Variants in RGL1 observed in about 807,000 individuals in gnomAD.
RGL1 encodes the protein ral guanine nucleotide dissociation stimulator-like 1.
Under a neutral mutation model 95.2 loss-of-function variants are expected in RGL1, and 24 were observed. The ratio of observed to expected loss-of-function variants is 0.25; its 90% CI spans 0.18 to 0.35. The LOEUF is 0.35. Ranked by LOEUF, RGL1 falls within the 10% of genes least tolerant of loss-of-function variation. The pLI is 1.00. For synonymous variants in RGL1, 329 were observed against 344.9 expected, an observed-to-expected ratio of 0.95 and a Z score of 0.51; for missense variants, 715 against 936.3, an observed-to-expected ratio of 0.76 and a Z score of 3.08.
At chr1:183,878,154 A>T (rs748725786) in intron 4 of RGL1, among the ~76,000 whole-genome samples, 8 of 118,474 alleles carry the variant, frequency 6.8e-5, no homozygotes, top group Admixed American at 1.6e-4. Flanking sequence ...TTTTCTTTCT[A>T]TCTATCTATC....
intron 2 of RGL1, among the ~76,000 whole-genome samples, chr1:183,798,332 G>A (rs1158393953): frequency 6.6e-6 from 1 of 152,018 alleles, no homozygotes; most frequent in African/African-American, 2.4e-5. Flanking sequence ...CATCTTCAAG[G>A]CAAGTTTTTT....
At chr1:183,869,994 C>T (rs1206289158) in intron 4 of RGL1, among the ~76,000 whole-genome samples, 2 of 152,158 alleles carry the variant, frequency 1.3e-5, no homozygotes, top group Non-Finnish European at 2.9e-5. Flanking sequence ...AGGCTATTGG[C>T]AACTCATGGG....
At chr1:183,723,062 G>A (rs1656104137) in intron 1 of RGL1, among the ~76,000 whole-genome samples, 1 of 152,080 alleles carries the variant, frequency 6.6e-6, no homozygotes, top group South Asian at 2.1e-4. Flanking sequence ...GGGGGAAATG[G>A]AAGCACACCA....
chr1:183,793,594 T>C (rs1660540469), intron 2 of RGL1, among the ~76,000 whole-genome samples: 1 of 149,278 alleles, frequency 6.7e-6, no homozygotes, highest in Non-Finnish European at 1.5e-5. Flanking sequence ...AACAAAACAA[T>C]CCCATTGAAA....
chr1:183,849,483 G>GTTTTTTTTTTTTTTTTT (rs1418103960), intron 3 of RGL1, among the ~76,000 whole-genome samples: 4 of 120,850 alleles, frequency 3.3e-5, no homozygotes, highest in African/African-American at 6.5e-5. Flanking sequence ...CCAGTTTTTA[G>GTTTTTTTTTTTTTTTTT]TTTTTTTTTT....
chr1:183,683,453 G>T (rs937001524), intron 1 of RGL1, among the ~76,000 whole-genome samples: 1 of 152,110 alleles, frequency 6.6e-6, no homozygotes, highest in Admixed American at 6.6e-5. Flanking sequence ...TGAAATTCTG[G>T]GTTGAAAATT....
intron 3 of RGL1, among the ~76,000 whole-genome samples, chr1:183,848,988 GAT>G (rs1664632002): frequency 6.6e-6 from 1 of 151,940 alleles, no homozygotes; most frequent in South Asian, 2.1e-4. Flanking sequence ...TCATATATAT[GAT>G]ATGTTTATAT....
intron 1 of RGL1, among the ~76,000 whole-genome samples, chr1:183,720,521 C>T (rs1655961920): frequency 6.6e-6 from 1 of 152,246 alleles, no homozygotes; most frequent in African/African-American, 2.4e-5. Context: ...CATCCATGGG[C>T]TGCCTACTTC....
chr1:183,897,989 C>A, intron 10 of RGL1, 92 bp downstream of exon 10: 1 of 970,644 alleles, frequency 1.0e-6, no homozygotes, highest in Non-Finnish European at 1.6e-6. Flanking sequence ...CTTCAGTCAA[C>A]AGGGCACCCA....
intron 12 of RGL1, among the ~76,000 whole-genome samples, chr1:183,903,788 A>G (rs1668163662): frequency 6.6e-6 from 1 of 152,228 alleles, no homozygotes; most frequent in East Asian, 1.9e-4. Context: ...TTAAAACCAA[A>G]AAGGCATAGA....
chr1:183,703,819 G>A (rs1654741822), intron 1 of RGL1, among the ~76,000 whole-genome samples: 1 of 152,148 alleles, frequency 6.6e-6, no homozygotes, highest in Non-Finnish European at 1.5e-5. Flanking sequence ...GGAGCCCTGG[G>A]GTGACACTGA....
At chr1:183,882,084 T>G (rs1465733941) in intron 5 of RGL1, among the ~76,000 whole-genome samples, 1 of 152,248 alleles carries the variant, frequency 6.6e-6, no homozygotes, top group South Asian at 2.1e-4. Flanking sequence ...TCCCATGTGC[T>G]TGTTTTACCC....
At chr1:183,923,342 C>T (rs553931260) in intron 17 of RGL1, among the ~76,000 whole-genome samples, 1 of 152,314 alleles carries the variant, frequency 6.6e-6, no homozygotes, top group East Asian at 1.9e-4. Context: ...GCTACAGCCT[C>T]TGGGAAAATT....
intron 2 of RGL1, among the ~76,000 whole-genome samples, chr1:183,770,660 G>A (rs150996644): frequency 6.6e-6 from 1 of 152,294 alleles, no homozygotes; most frequent in Non-Finnish European, 1.5e-5. Flanking sequence ...GGAGGGAAAA[G>A]GAGTAGTTGG....
intron 1 of RGL1, among the ~76,000 whole-genome samples, chr1:183,730,010 G>T (rs1321430504): frequency 6.6e-6 from 1 of 152,166 alleles, no homozygotes; most frequent in Non-Finnish European, 1.5e-5. Flanking sequence ...ATCTTTTGAA[G>T]TAATGGAAAT....
chr1:183,647,520 C>A, intron 1 of RGL1: 1 of 1,213,540 alleles, frequency 8.2e-7, no homozygotes, highest in South Asian at 2.0e-5. Context: ...AATAGTGTAA[C>A]TTTATAATAG....
chr1:183,810,218 C>T (rs1335818995), intron 2 of RGL1, among the ~76,000 whole-genome samples: 1 of 152,196 alleles, frequency 6.6e-6, no homozygotes, highest in Non-Finnish European at 1.5e-5. Flanking sequence ...ATGCTGTTGT[C>T]TTCAGAATAT....
At chr1:183,700,590 T>C (rs1354949625) in intron 1 of RGL1, among the ~76,000 whole-genome samples, 3 of 150,116 alleles carry the variant, frequency 2.0e-5, no homozygotes, top group Non-Finnish European at 4.4e-5. Flanking sequence ...CTGTCACCCA[T>C]GCTGGAGTGC....
chr1:183,765,630 T>C (rs1385776010), intron 2 of RGL1, among the ~76,000 whole-genome samples: 1 of 152,238 alleles, frequency 6.6e-6, no homozygotes, highest in Admixed American at 6.5e-5. Flanking sequence ...TCAATTAGTG[T>C]TCTGGAAGTT....
Sources: gnomAD v4.1 joint callset for allele counts (sites outside exome capture counted in the v4.1 genomes callset) on GRCh38, gnomAD v4.1.1 for gene constraint, MANE v1.5 for transcripts, NCBI Gene and HGNC (gene_info 2026-07-23, HGNC 2026-07-21) for gene names.